Variants in ANK2 observed in about 807,000 individuals in gnomAD.
ANK2 encodes the protein ankyrin 2, also known as ankyrin-2.
In ANK2, 83 loss-of-function variants were observed where a neutral mutation model predicts 360.5. That is an observed-to-expected ratio of 0.23 (90% CI 0.19 to 0.28). ANK2 has a LOEUF of 0.28. Ranked by LOEUF, ANK2 falls within the 10% of genes least tolerant of loss-of-function variation. ANK2 has a pLI of 1.00. For synonymous variants in ANK2, 1,740 were observed against 1,759.5 expected, an observed-to-expected ratio of 0.99 and a Z score of 0.28; for missense variants, 4,201 against 4,795.7, an observed-to-expected ratio of 0.88 and a Z score of 3.66.
Position 113,355,438 on chromosome 4 carries a change from C to T in ANK2, c.6820C>T (p.Arg2274Cys), listed in dbSNP as rs140258681. The change falls in exon 38 of 46, where the codon CGT becomes TGT. Residue 2274 changes from arginine to cysteine, a missense_variant. Transcript: ENST00000357077. ...STKTETTTEI[R>C]SEKEHPTTKD... ...CAAGACAGAAACCACCACAGAAATT[C>T]GTTCAGAAAAAGAGCATCCCACGAC... 37 of 1,613,778 alleles carry T rather than the reference C, an allele frequency of 2.3e-5. No individual in the cohort carries two copies. The highest frequency in any genetic ancestry group is 4.0e-5 in the African/African-American group (3 of 74,904).
chr4:112,874,498 T>C (rs1475552975), intron 1 of ANK2, among the ~76,000 whole-genome samples: 1 of 150,390 alleles, frequency 6.6e-6, no homozygotes, highest in Non-Finnish European at 1.5e-5. Context: ...AAAAATTAGC[T>C]GGGTGTGCTG....
intron 38 of ANK2, among the ~76,000 whole-genome samples, chr4:113,360,561 T>C (rs1022711161): frequency 1.3e-5 from 2 of 152,170 alleles, no homozygotes; most frequent in Non-Finnish European, 2.9e-5. Flanking sequence ...ATAAGATTAC[T>C]AGAAATCAGC....
chr4:113,199,133 A>T, intron 4 of ANK2, 24 bp downstream of exon 4: 1 of 1,531,294 alleles, frequency 6.5e-7, no homozygotes, highest in South Asian at 1.1e-5. Flanking sequence ...ATTTTCCCTG[A>T]TGTACATACA....
intron 7 of ANK2, 145 bp from the exon 8 acceptor site, chr4:113,240,340 C>T: frequency 1.5e-6 from 1 of 679,356 alleles, no homozygotes; most frequent in Middle Eastern, 2.5e-4. Context: ...CACCTTATAA[C>T]ATTAAGATTT....
At chr4:113,102,265 A>G (rs1162784833) in intron 1 of ANK2, among the ~76,000 whole-genome samples, 1 of 152,148 alleles carries the variant, frequency 6.6e-6, no homozygotes, top group Non-Finnish European at 1.5e-5. Context: ...ACTCAGGGAT[A>G]GATTGAATGT....
intron 1 of ANK2, among the ~76,000 whole-genome samples, chr4:113,125,803 G>A (rs1450221272): frequency 6.6e-6 from 1 of 152,132 alleles, no homozygotes. Context: ...GGAGCTCATA[G>A]ACCTCCTTGG....
the ANK2 span, among the ~76,000 whole-genome samples, chr4:112,812,700 G>T: frequency 1.3e-5 from 2 of 152,124 alleles, no homozygotes; most frequent in Admixed American, 6.5e-5. Flanking sequence ...GCTAAGTTTG[G>T]CATGACTTTT....
At chr4:112,838,521 C>G (rs780595427) in intron 1 of ANK2, among the ~76,000 whole-genome samples, 1 of 152,222 alleles carries the variant, frequency 6.6e-6, no homozygotes, top group Non-Finnish European at 1.5e-5. Flanking sequence ...CTCCTTCTCT[C>G]TCTTGGACTT....
In ANK2 at chr4:113,357,022, G is replaced by C. The variant is rs780423161; in HGVS notation, c.8404G>C (p.Asp2802His). ...ACAGAGTCCGACTGGTGATGATGTT[G>C]ATGAACAGCCAGTCATCTATAAAGA... is the stretch of plus-strand genomic sequence containing the variant. ...GLQSPTGDDV[D>H]EQPVIYKESL... is the part of the protein sequence containing the mutation. Residue 2802 changes from aspartate to histidine, a missense_variant, in exon 38 of 46, where the codon GAT becomes CAT. By Grantham distance (81) the Asp-to-His change is moderately conservative. Coordinates refer to ENST00000357077, the MANE Select transcript of ANK2 (RefSeq NM_001148.6). The C allele has an allele frequency of 3.1e-6, 5 of 1,613,926 alleles. No individual in the cohort carries two copies. The East Asian group carries it at 6.7e-5, about 22-fold the overall frequency.
intron 1 of ANK2, among the ~76,000 whole-genome samples, chr4:113,087,224 ATT>A (rs1265803729): frequency 6.6e-6 from 1 of 152,192 alleles, no homozygotes; most frequent in Non-Finnish European, 1.5e-5. Context: ...AGGAAAGAGT[ATT>A]TCAAACAGAG....
Position 113,341,670 on chromosome 4 carries a change from C to G in ANK2, c.3894-18C>G. The G allele has an allele frequency of 6.2e-7, 1 of 1,612,216 alleles. No individual in the cohort carries two copies. The highest frequency in any genetic ancestry group is 8.5e-7 in the Non-Finnish European group (1 of 1,178,410). On this transcript the variant is annotated intron_variant, in intron 32 of 45. Coordinates refer to ENST00000357077, the MANE Select transcript of ANK2 (RefSeq NM_001148.6). Reference sequence around the variant, plus strand: ...TATACTTTGAACTTTAGATAACTGACTTTATTTATTTTAATAGGTTCTGGC... The same window carrying G: ...TATACTTTGAACTTTAGATAACTGAGTTTATTTATTTTAATAGGTTCTGGC...
intron 11 of ANK2, among the ~76,000 whole-genome samples, chr4:113,257,846 G>C (rs148965505): frequency 1.3e-5 from 2 of 152,198 alleles, no homozygotes; most frequent in Non-Finnish European, 2.9e-5. Flanking sequence ...ACAGAATTAC[G>C]TACAGGCCCA....
At chr4:113,162,777 G>GAGGGGAT (rs2097582181) in intron 1 of ANK2, among the ~76,000 whole-genome samples, 1 of 139,588 alleles carries the variant, frequency 7.2e-6, no homozygotes, top group South Asian at 2.3e-4. Flanking sequence ...TAAAATCTTT[G>GAGGGGAT]AGGGGATGAA....
At chr4:112,859,237 T>A (rs950010363) in intron 1 of ANK2, among the ~76,000 whole-genome samples, 1 of 152,178 alleles carries the variant, frequency 6.6e-6, no homozygotes, top group African/African-American at 2.4e-5. Flanking sequence ...ATAATATGTC[T>A]AGCACAGGTT....
intron 2 of ANK2, among the ~76,000 whole-genome samples, chr4:113,188,775 G>A (rs1283018592): frequency 1.3e-5 from 2 of 152,262 alleles, no homozygotes; most frequent in East Asian, 3.9e-4. Flanking sequence ...CCCCTTGTAT[G>A]TGTTAATGGT....
At chr4:113,074,692 C>T (rs1425245406) in intron 1 of ANK2, among the ~76,000 whole-genome samples, 1 of 151,996 alleles carries the variant, frequency 6.6e-6, no homozygotes, top group Non-Finnish European at 1.5e-5. Flanking sequence ...AGATAGGTAT[C>T]CAGGTAGAGG....
At chr4:112,888,610 T>C (rs1229137654) in intron 1 of ANK2, among the ~76,000 whole-genome samples, 1 of 152,066 alleles carries the variant, frequency 6.6e-6, no homozygotes, top group Non-Finnish European at 1.5e-5. Flanking sequence ...TCATGTCCGT[T>C]TTATAACCTT....
At chr4:113,273,819 A>T (rs2059329865) in intron 14 of ANK2, among the ~76,000 whole-genome samples, 1 of 152,196 alleles carries the variant, frequency 6.6e-6, no homozygotes, top group Non-Finnish European at 1.5e-5. Flanking sequence ...GTACTTGGCA[A>T]ATAGTTCACC....
chr4:113,256,553 C>T (rs2049454960), intron 11 of ANK2, among the ~76,000 whole-genome samples: 1 of 152,284 alleles, frequency 6.6e-6, no homozygotes, highest in South Asian at 2.1e-4. Context: ...TTTATGTCTC[C>T]CCAGTTCTGA....
Sources: gnomAD v4.1 joint callset for allele counts (sites outside exome capture counted in the v4.1 genomes callset) on GRCh38, gnomAD v4.1.1 for gene constraint, MANE v1.5 for transcripts, NCBI Gene and HGNC (gene_info 2026-07-23, HGNC 2026-07-21) for gene names.